RBFOX1: variants seen among roughly 807,000 people sequenced by gnomAD.
The protein encoded by RBFOX1 is RNA binding fox-1 homolog 1.
RBFOX1 carries 8 observed loss-of-function variants against 57.7 expected under a neutral mutation model. The ratio of observed to expected loss-of-function variants is 0.14; its 90% CI spans 0.08 to 0.25. The LOEUF is 0.25. Ranked by LOEUF, RBFOX1 falls within the 10% of genes least tolerant of loss-of-function variation. RBFOX1 has a pLI of 1.00. For missense variants in RBFOX1, 611 were observed against 548.5 expected (o/e 1.11, Z -1.14); for synonymous variants, 326 against 222.4 (o/e 1.47, Z -4.15).
intron 4 of RBFOX1, among the ~76,000 whole-genome samples, chr16:7,105,988 C>A (rs8059460): frequency 0.037 from 5,679 of 152,202 alleles, 387 homozygotes; most frequent in African/African-American, 0.13. Context: ...CTCTATGAAA[C>A]TACTCAGTCC....
chr16:6,014,124 AAAAT>A (rs1032329469), upstream of RBFOX1, among the ~76,000 whole-genome samples: 8 of 152,328 alleles, frequency 5.3e-5, no homozygotes, highest in Non-Finnish European at 1.2e-4. Context: ...AAAAAATTAA[AAAAT>A]AAAAAGGAAA....
At chr16:6,657,065 C>A (rs796819660) in intron 3 of RBFOX1, among the ~76,000 whole-genome samples, 4 of 118,786 alleles carry the variant, frequency 3.4e-5, no homozygotes, top group African/African-American at 1.0e-4. Flanking sequence ...CCCCTTTCCT[C>A]TCCTCTCCTC....
chr16:6,188,494 A>G (rs1309248424), intron 1 of RBFOX1, among the ~76,000 whole-genome samples: 1 of 151,212 alleles, frequency 6.6e-6, no homozygotes, highest in Non-Finnish European at 1.5e-5. Flanking sequence ...CTCTGATGTT[A>G]TTGTCTATTT....
At chr16:7,617,141 T>C (rs539416574) in intron 10 of RBFOX1, among the ~76,000 whole-genome samples, 1 of 152,322 alleles carries the variant, frequency 6.6e-6, no homozygotes, top group Admixed American at 6.5e-5. Flanking sequence ...GAAAAGAATG[T>C]ACAGCTTGTT....
At position 7,433,044 on chromosome 16, in the gene RBFOX1, G is replaced by A. The variant is rs368198868; in HGVS notation, c.28-85103G>A. 1.2e-3 allele frequency among the ~76,000 whole-genome samples: 183 copies of A among 152,200 alleles called. 6 individuals carry two copies. The South Asian group carries it at 0.034, about 28-fold the overall frequency. ...CCAGCAAATGCCACGCAAAATTCCC[G>A]CATAATCTTGTTTTCCCAGGATTCT... On this transcript the variant is annotated intron_variant, in intron 4 of 15. Transcript: ENST00000550418.
At chr16:6,586,115 G>C (rs980260108) in intron 2 of RBFOX1, among the ~76,000 whole-genome samples, 1 of 152,146 alleles carries the variant, frequency 6.6e-6, no homozygotes, top group Non-Finnish European at 1.5e-5. Context: ...ATCATCAGAA[G>C]CAATGTTTGT....
At chr16:6,866,632 C>T (rs552692893) in intron 3 of RBFOX1, among the ~76,000 whole-genome samples, 20 of 142,618 alleles carry the variant, frequency 1.4e-4, no homozygotes, top group African/African-American at 3.5e-4. Context: ...AGCTCCGCCT[C>T]CCCGGTTCAC....
chr16:5,691,373 G>A (rs2050675914), intron 3 of RBFOX1, among the ~76,000 whole-genome samples: 1 of 152,148 alleles, frequency 6.6e-6, no homozygotes, highest in African/African-American at 2.4e-5. Context: ...GCTGCATAGA[G>A]CCATGCAGCT....
At chr16:6,861,686 A>G (rs2059028170) in intron 3 of RBFOX1, among the ~76,000 whole-genome samples, 1 of 152,050 alleles carries the variant, frequency 6.6e-6, no homozygotes, top group Admixed American at 6.5e-5. Flanking sequence ...ACTGTGTATA[A>G]TGAGGTCAAA....
intron 4 of RBFOX1, among the ~76,000 whole-genome samples, chr16:7,466,556 C>G (rs1599127467): frequency 6.6e-6 from 1 of 152,166 alleles, no homozygotes; most frequent in African/African-American, 2.4e-5. Flanking sequence ...ATCTGAGCCT[C>G]CCCAGGAAGA....
At chr16:5,467,546 A>AG (rs2068992204) in intron 2 of RBFOX1, among the ~76,000 whole-genome samples, 1 of 152,176 alleles carries the variant, frequency 6.6e-6, no homozygotes, top group African/African-American at 2.4e-5. Flanking sequence ...GGGAACAATG[A>AG]GGGTGCTTGC....
intron 2 of RBFOX1, among the ~76,000 whole-genome samples, chr16:6,509,290 C>A (rs138045911): frequency 1.9e-3 from 287 of 152,194 alleles, no homozygotes; most frequent in African/African-American, 6.2e-3. Flanking sequence ...GGTTATTAAT[C>A]CCTTGTCAGA....
chr16:7,370,143 G>A (rs559761676), intron 4 of RBFOX1, among the ~76,000 whole-genome samples: 2 of 152,266 alleles, frequency 1.3e-5, no homozygotes, highest in Non-Finnish European at 2.9e-5. Flanking sequence ...AGCAACTCTG[G>A]ACTCCTCCCT....
intron 3 of RBFOX1, among the ~76,000 whole-genome samples, chr16:6,998,849 T>G (rs60536415): frequency 0.14 from 20,971 of 151,948 alleles, 2,655 homozygotes; most frequent in East Asian, 0.72. Flanking sequence ...TGTTTCTTCT[T>G]TTTTTAATTA....
intron 3 of RBFOX1, among the ~76,000 whole-genome samples, chr16:6,659,638 T>C (rs555155096): frequency 6.6e-6 from 1 of 152,272 alleles, no homozygotes; most frequent in East Asian, 1.9e-4. Context: ...CTCCAGAGTC[T>C]GTCCTCTTAG....
chr16:6,764,160 C>T (rs1161421352), intron 3 of RBFOX1, among the ~76,000 whole-genome samples: 2 of 152,170 alleles, frequency 1.3e-5, no homozygotes, highest in African/African-American at 4.8e-5. Flanking sequence ...CCCTAGTCCC[C>T]TTAAGCTCTA....
intron 2 of RBFOX1, among the ~76,000 whole-genome samples, chr16:6,636,466 G>T (rs1233336923): frequency 6.6e-6 from 1 of 151,910 alleles, no homozygotes; most frequent in African/African-American, 2.4e-5. Context: ...CACCGCACCC[G>T]GCTGGATTTT....
At chr16:6,469,022 AG>A (rs1353281709) in intron 2 of RBFOX1, among the ~76,000 whole-genome samples, 4 of 152,036 alleles carry the variant, frequency 2.6e-5, no homozygotes, top group Admixed American at 2.6e-4. Context: ...AGGCATTGGA[AG>A]TGGTCAAGGC....
intron 4 of RBFOX1, among the ~76,000 whole-genome samples, chr16:7,409,445 T>C (rs1184094104): frequency 1.3e-5 from 2 of 152,170 alleles, no homozygotes; most frequent in African/African-American, 4.8e-5. Context: ...TCTTTCCCCG[T>C]CCCCATTGTC....
Sources: allele counts gnomAD v4.1 joint callset (sites outside exome capture counted in the v4.1 genomes callset), GRCh38; gene constraint gnomAD v4.1.1; transcripts MANE v1.5; gene names NCBI Gene and HGNC (gene_info 2026-07-23, HGNC 2026-07-21).